Variants in PTPRD observed in about 807,000 individuals in gnomAD.
PTPRD encodes protein tyrosine phosphatase receptor type D, also known as receptor-type tyrosine-protein phosphatase delta.
A neutral mutation model predicts 214.5 loss-of-function variants in PTPRD; 34 were observed. The ratio of observed to expected loss-of-function variants is 0.16; its 90% confidence interval spans 0.12 to 0.21. PTPRD has a LOEUF of 0.21. PTPRD is among the 10% of genes least tolerant of loss of function. PTPRD has a pLI of 1.00. For synonymous variants in PTPRD, 1,128 were observed against 845.7 expected (o/e 1.33, Z -5.79); for missense variants, 2,545 against 2,398.7 (o/e 1.06, Z -1.27).
At chr9:9,629,205 G>A (rs112014514) in intron 7 of PTPRD, among the ~76,000 whole-genome samples, 16 of 137,286 alleles carry the variant, frequency 1.2e-4, no homozygotes, top group African/African-American at 4.5e-4. Flanking sequence ...ATTAAAAAAT[G>A]AAAATTCTGG....
chr9:10,216,080 CT>C (rs2099539722), intron 3 of PTPRD, among the ~76,000 whole-genome samples: 1 of 151,776 alleles, frequency 6.6e-6, no homozygotes, highest in East Asian at 1.9e-4. Context: ...TTGATTTTCC[CT>C]TTAGATTTTT....
intron 6 of PTPRD, among the ~76,000 whole-genome samples, chr9:9,755,209 A>T (rs1282553383): frequency 1.3e-5 from 2 of 152,042 alleles, no homozygotes; most frequent in Non-Finnish European, 2.9e-5. Flanking sequence ...AGACTGCAGA[A>T]GATCAGGAGA....
At chr9:10,166,598 T>C (rs1299340384) in intron 3 of PTPRD, among the ~76,000 whole-genome samples, 1 of 152,000 alleles carries the variant, frequency 6.6e-6, no homozygotes, top group Admixed American at 6.6e-5. Flanking sequence ...AATTTATTCA[T>C]GTTCAATGAA....
chr9:9,775,773 C>T (rs2098793146), intron 5 of PTPRD, among the ~76,000 whole-genome samples: 1 of 152,012 alleles, frequency 6.6e-6, no homozygotes, highest in African/African-American at 2.4e-5. Flanking sequence ...GAAACCCAGT[C>T]TCTACTGAAA....
At chr9:9,071,529 G>T (rs2099743728) in intron 10 of PTPRD, among the ~76,000 whole-genome samples, 1 of 152,144 alleles carries the variant, frequency 6.6e-6, no homozygotes, top group Non-Finnish European at 1.5e-5. Flanking sequence ...AGGGAACTGT[G>T]AGTAGCCCCT....
chr9:9,671,166 A>C (rs2382038), intron 7 of PTPRD, among the ~76,000 whole-genome samples: 1 of 151,890 alleles, frequency 6.6e-6, no homozygotes, highest in Non-Finnish European at 1.5e-5. Flanking sequence ...TCTTGCATAC[A>C]GTGACCTGGA....
intron 7 of PTPRD, among the ~76,000 whole-genome samples, chr9:9,686,046 G>A (rs1443804438): frequency 6.6e-6 from 1 of 151,338 alleles, no homozygotes; most frequent in East Asian, 1.9e-4. Flanking sequence ...GAGAGCATAA[G>A]AAAATTTAAG....
chr9:8,637,888 C>T (rs1163868597), intron 12 of PTPRD, among the ~76,000 whole-genome samples: 2 of 152,036 alleles, frequency 1.3e-5, no homozygotes, highest in African/African-American at 4.8e-5. Context: ...GCCACAAAAG[C>T]ATACTACAGA....
At chr9:10,463,260 A>G (rs2098971338) in intron 2 of PTPRD, among the ~76,000 whole-genome samples, 1 of 152,116 alleles carries the variant, frequency 6.6e-6, no homozygotes, top group South Asian at 2.1e-4. Flanking sequence ...TTTAACGAGC[A>G]TTTATTTGAG....
At chr9:9,595,984 G>C (rs2093321916) in intron 7 of PTPRD, among the ~76,000 whole-genome samples, 1 of 151,846 alleles carries the variant, frequency 6.6e-6, no homozygotes, top group Non-Finnish European at 1.5e-5. Context: ...ATTCCTATTA[G>C]TATCCATCAC....
intron 2 of PTPRD, among the ~76,000 whole-genome samples, chr9:10,432,344 A>C (rs1401911315): frequency 6.6e-6 from 1 of 150,486 alleles, no homozygotes; most frequent in Admixed American, 6.6e-5. Flanking sequence ...CTAGATGACG[A>C]TTTAGTGGGT....
chr9:8,538,794 A>C (rs987669605), intron 14 of PTPRD, among the ~76,000 whole-genome samples: 1 of 151,924 alleles, frequency 6.6e-6, no homozygotes, highest in Non-Finnish European at 1.5e-5. Context: ...AGTAATACCC[A>C]GTAGCAATGG....
intron 5 of PTPRD, among the ~76,000 whole-genome samples, chr9:9,847,904 A>T (rs1468423906): frequency 6.6e-6 from 1 of 152,146 alleles, no homozygotes; most frequent in African/African-American, 2.4e-5. Flanking sequence ...TTTTTAAAAA[A>T]GGCAGATCCA....
intron 12 of PTPRD, among the ~76,000 whole-genome samples, chr9:8,717,074 C>A (rs2098444741): frequency 1.3e-5 from 2 of 152,190 alleles, no homozygotes; most frequent in South Asian, 4.2e-4. Flanking sequence ...AGGCTGATGT[C>A]CTTGAGCCCA....
chr9:8,372,315 A>G (rs2081797138), intron 39 of PTPRD, among the ~76,000 whole-genome samples: 1 of 152,030 alleles, frequency 6.6e-6, no homozygotes, highest in Non-Finnish European at 1.5e-5. Flanking sequence ...AGCTTTTAAA[A>G]GGTACTCAGT....
intron 2 of PTPRD, among the ~76,000 whole-genome samples, chr9:10,577,368 T>C (rs2132235646): frequency 6.6e-6 from 1 of 152,352 alleles, no homozygotes; most frequent in South Asian, 2.1e-4. Flanking sequence ...TGATCATTCA[T>C]ATTGAATGGT....
In PTPRD at chr9:9,819,221, C is replaced by T. The variant is rs1017556734; in HGVS notation, c.-367-52370G>A. Among the ~76,000 whole-genome samples, 7 of 152,140 alleles carry T rather than the reference C, an allele frequency of 4.6e-5. No individual in the cohort carries two copies. In the East Asian group the frequency reaches 1.4e-3, roughly 29 times the overall value. ...TCTCTCCAATGTGAGGAAGTGTCTT[C>T]ATTGATGTTGAGTTTGGCTGGAGTA... On this transcript the variant is annotated intron_variant, in intron 5 of 45. Coordinates refer to ENST00000381196, the MANE Select transcript of PTPRD (RefSeq NM_002839.4).
intron 39 of PTPRD, among the ~76,000 whole-genome samples, chr9:8,349,085 C>G (rs546592512): frequency 6.6e-6 from 1 of 152,150 alleles, no homozygotes; most frequent in African/African-American, 2.4e-5. Context: ...AAATAGGAAG[C>G]CCTCTCCCAG....
At chr9:10,455,292 A>G (rs2098901817) in intron 2 of PTPRD, among the ~76,000 whole-genome samples, 1 of 151,544 alleles carries the variant, frequency 6.6e-6, no homozygotes, top group Non-Finnish European at 1.5e-5. Context: ...CTCTGCTTTC[A>G]GTTACTAAGG....
Sources: allele counts gnomAD v4.1 joint callset (sites outside exome capture counted in the v4.1 genomes callset), GRCh38; gene constraint gnomAD v4.1.1; transcripts MANE v1.5; gene names NCBI Gene and HGNC (gene_info 2026-07-23, HGNC 2026-07-21).